Variants in SEMA3A observed in about 807,000 individuals in gnomAD.
SEMA3A encodes the protein semaphorin-3A.
A neutral mutation model predicts 97.9 loss-of-function variants in SEMA3A; 29 were observed. That is an observed-to-expected ratio of 0.30 (90% confidence interval 0.22 to 0.40). SEMA3A has a LOEUF of 0.40. Among genes scored for constraint, SEMA3A ranks in the 10% least tolerant of loss-of-function variants. The probability of loss-of-function intolerance (pLI) is 1.00; values close to 1 mark genes in which losing one functional copy is unlikely to be tolerated. For missense variants in SEMA3A, 763 were observed against 951.3 expected, an observed-to-expected ratio of 0.80 and a Z score of 2.60; for synonymous variants, 321 against 323.7, an observed-to-expected ratio of 0.99 and a Z score of 0.09.
intron 3 of SEMA3A, among the ~76,000 whole-genome samples, chr7:84,244,063 T>C (rs1159797618): frequency 6.6e-6 from 1 of 152,216 alleles, no homozygotes; most frequent in Non-Finnish European, 1.5e-5. Flanking sequence ...GAGAAGAATG[T>C]ATATTCTGTT....
At chr7:84,068,419 A>G (rs1435050460) in intron 4 of SEMA3A, among the ~76,000 whole-genome samples, 2 of 146,684 alleles carry the variant, frequency 1.4e-5, no homozygotes, top group South Asian at 2.2e-4. Context: ...AACTTAAAGT[A>G]TAATTAAAAA....
At chr7:84,254,709 C>T (rs1453741579) in intron 3 of SEMA3A, among the ~76,000 whole-genome samples, 1 of 152,120 alleles carries the variant, frequency 6.6e-6, no homozygotes, top group Non-Finnish European at 1.5e-5. Context: ...AATGGACTTT[C>T]TGTGTAATCA....
intron 6 of SEMA3A, among the ~76,000 whole-genome samples, chr7:84,035,469 A>C (rs555178718): frequency 2.0e-5 from 3 of 152,176 alleles, no homozygotes; most frequent in African/African-American, 4.8e-5. Flanking sequence ...AGATGAAAAA[A>C]ATTACTTAAG....
intron 2 of SEMA3A, among the ~76,000 whole-genome samples, chr7:84,365,758 T>C (rs1802834358): frequency 6.6e-6 from 1 of 151,430 alleles, no homozygotes; most frequent in Non-Finnish European, 1.5e-5. Context: ...GTTTAACATA[T>C]TTCTATTTAC....
chr7:83,964,231 C>A (rs996653181), intron 15 of SEMA3A, among the ~76,000 whole-genome samples: 1 of 151,882 alleles, frequency 6.6e-6, no homozygotes, highest in Non-Finnish European at 1.5e-5. Context: ...AAAACTCCTT[C>A]TTATCTTGCA....
intron 3 of SEMA3A, among the ~76,000 whole-genome samples, chr7:84,299,259 TCTCC>T: frequency 4.3e-5 from 6 of 138,404 alleles, no homozygotes; most frequent in South Asian, 4.5e-4. Flanking sequence ...TATATATATA[TCTCC>T]ATATATATAT....
chr7:84,012,333 A>G (rs1790915595), intron 7 of SEMA3A, among the ~76,000 whole-genome samples: 1 of 152,168 alleles, frequency 6.6e-6, no homozygotes, highest in African/African-American at 2.4e-5. Context: ...AATATATACA[A>G]TTCTTACTGT....
At chr7:84,475,295 T>A (rs1308905423) in intron 1 of SEMA3A, among the ~76,000 whole-genome samples, 1 of 152,246 alleles carries the variant, frequency 6.6e-6, no homozygotes, top group African/African-American at 2.4e-5. Context: ...TGTTTGTTTG[T>A]TCATTCTGTG....
At chr7:84,367,608 G>A (rs995815776) in intron 2 of SEMA3A, among the ~76,000 whole-genome samples, 1 of 150,764 alleles carries the variant, frequency 6.6e-6, no homozygotes, top group African/African-American at 2.4e-5. Flanking sequence ...GATGTGAGTT[G>A]AGGCTTAACA....
chr7:84,472,916 C>T (rs532990866), intron 1 of SEMA3A, among the ~76,000 whole-genome samples: 4 of 152,168 alleles, frequency 2.6e-5, no homozygotes, highest in African/African-American at 9.6e-5. Flanking sequence ...TTTAATACTG[C>T]TATTAGTTTA....
intron 3 of SEMA3A, among the ~76,000 whole-genome samples, chr7:84,294,751 CA>C (rs1220052348): frequency 6.6e-6 from 1 of 152,038 alleles, no homozygotes; most frequent in African/African-American, 2.4e-5. Context: ...CATCTTCAAT[CA>C]AACTGTCAGA....
intron 1 of SEMA3A, among the ~76,000 whole-genome samples, chr7:84,158,560 T>C (rs1436171054): frequency 3.3e-5 from 5 of 152,180 alleles, no homozygotes; most frequent in South Asian, 2.1e-4. Context: ...TATCATAGGA[T>C]GAAACTCTAT....
intron 3 of SEMA3A, among the ~76,000 whole-genome samples, chr7:84,260,099 G>A (rs1799814009): frequency 6.6e-6 from 1 of 152,178 alleles, no homozygotes; most frequent in Admixed American, 6.5e-5. Context: ...AATACTTGCT[G>A]AGTGAACAAG....
chr7:84,223,345 AT>A (rs1798922092), intron 3 of SEMA3A, among the ~76,000 whole-genome samples: 1 of 151,788 alleles, frequency 6.6e-6, no homozygotes, highest in Admixed American at 6.6e-5. Context: ...GTGTGCATGT[AT>A]ATACATATAT....
chr7:84,307,086 A>C (rs1801178822), intron 3 of SEMA3A: 1 of 152,146 alleles, frequency 6.6e-6, no homozygotes, highest in Non-Finnish European at 1.5e-5. Context: ...ACAAAAAAAG[A>C]AAGTGCTCTT....
intron 3 of SEMA3A, among the ~76,000 whole-genome samples, chr7:84,252,938 G>A (rs1799641614): frequency 6.6e-6 from 1 of 152,052 alleles, no homozygotes; most frequent in South Asian, 2.1e-4. Context: ...GAGTGCAGTG[G>A]CAAGATATCA....
chr7:84,055,357 C>T (rs1385417039), intron 5 of SEMA3A, among the ~76,000 whole-genome samples: 1 of 152,194 alleles, frequency 6.6e-6, no homozygotes, highest in African/African-American at 2.4e-5. Flanking sequence ...ATCAGCGAGA[C>T]TCCGTGGGCG....
chr7:84,406,425 A>G (rs1804090419), intron 1 of SEMA3A, among the ~76,000 whole-genome samples: 4 of 152,192 alleles, frequency 2.6e-5, no homozygotes. Flanking sequence ...CCAACCAAAA[A>G]AAGTCCAGGA....
intron 6 of SEMA3A, among the ~76,000 whole-genome samples, chr7:84,031,631 C>T (rs895989369): frequency 6.6e-6 from 1 of 151,702 alleles, no homozygotes; most frequent in African/African-American, 2.4e-5. Flanking sequence ...GTTGGGAGTT[C>T]GAGACTAGCC....
Sources: allele counts gnomAD v4.1 joint callset (sites outside exome capture counted in the v4.1 genomes callset), GRCh38; gene constraint gnomAD v4.1.1; transcripts MANE v1.5; gene names NCBI Gene and HGNC (gene_info 2026-07-23, HGNC 2026-07-21).